The following EFCAB6 variants were observed in gnomAD, a reference collection of about 807,000 sequenced individuals.
EFCAB6 encodes the protein EF-hand calcium-binding domain-containing protein 6.
Under a neutral mutation model 169.8 loss-of-function variants are expected in EFCAB6, and 156 were observed. That is an observed-to-expected ratio of 0.92 (90% CI 0.81 to 1.05). The LOEUF is 1.05. Among genes scored for constraint, EFCAB6 ranks in the 50% least tolerant of loss-of-function variants. EFCAB6 has a pLI of 0.00. For missense variants in EFCAB6, 1,800 were observed against 1,829.1 expected, an observed-to-expected ratio of 0.98 and a Z score of 0.29; for synonymous variants, 698 against 676.4, an observed-to-expected ratio of 1.03 and a Z score of -0.50.
intron 27 of EFCAB6, among the ~76,000 whole-genome samples, chr22:43,545,835 A>G (rs2147112386): frequency 6.6e-6 from 1 of 152,294 alleles, no homozygotes; most frequent in South Asian, 2.1e-4. Context: ...ACTTGGAAGA[A>G]GCAAACCCTA....
At chr22:43,669,336 G>A (rs1045711248) in intron 15 of EFCAB6, among the ~76,000 whole-genome samples, 8 of 152,202 alleles carry the variant, frequency 5.3e-5, no homozygotes, top group Non-Finnish European at 8.8e-5. Context: ...AGAGATGAAT[G>A]TATACACAAA....
intron 25 of EFCAB6, among the ~76,000 whole-genome samples, chr22:43,576,711 T>C (rs2050279569): frequency 6.6e-6 from 1 of 152,160 alleles, no homozygotes; most frequent in Non-Finnish European, 1.5e-5. Context: ...AAATTTGCCT[T>C]ACTTGCTCCT....
At chr22:43,593,873 G>A (rs2051762792) in intron 23 of EFCAB6, among the ~76,000 whole-genome samples, 1 of 152,222 alleles carries the variant, frequency 6.6e-6, no homozygotes, top group Non-Finnish European at 1.5e-5. Flanking sequence ...CACGTATAAG[G>A]AGTGTGGATG....
intron 2 of EFCAB6, among the ~76,000 whole-genome samples, chr22:43,797,914 T>G (rs2062569618): frequency 6.6e-6 from 1 of 152,176 alleles, no homozygotes; most frequent in African/African-American, 2.4e-5. Flanking sequence ...TGCTGTAACC[T>G]CTACTTAGAC....
chr22:43,630,616 G>T (rs2054871189), intron 19 of EFCAB6, among the ~76,000 whole-genome samples: 1 of 152,240 alleles, frequency 6.6e-6, no homozygotes. Flanking sequence ...GGCCTCTACA[G>T]TTAGGGTGCC....
chr22:43,611,242 T>C lies in EFCAB6; in HGVS notation c.2563-2642A>G, dbSNP rs147088141. On this transcript the variant is annotated intron_variant, in intron 21 of 31. Transcript: ENST00000262726. ...CAGCAAAATTAGGAATGTAATCCCA[T>C]TCACAATTGCCACAAAAAGAACAAA... Among the ~76,000 whole-genome samples, 368 of 152,238 alleles carry C rather than the reference T, an allele frequency of 2.4e-3. 4 individuals carry two copies. Among genetic ancestry groups the C allele is most frequent in the African/African-American group, 8.5e-3 (354 of 41,544 alleles).
At chr22:43,676,619 G>A (rs1419861937) in intron 13 of EFCAB6, among the ~76,000 whole-genome samples, 1 of 152,052 alleles carries the variant, frequency 6.6e-6, no homozygotes, top group Non-Finnish European at 1.5e-5. Context: ...TGTTACTTGT[G>A]TAATCACAAA....
chr22:43,735,932 C>G lies in EFCAB6; in HGVS notation c.569G>C (p.Gly190Ala), dbSNP rs368714805. 1 of 1,614,016 alleles carries G rather than the reference C, an allele frequency of 6.2e-7. No homozygotes were observed. Among genetic ancestry groups the G allele is most frequent in the Non-Finnish European group, 8.5e-7 (1 of 1,180,034 alleles). ...TCTTAGCTCCTGCGGTCGAACCAGT[C>G]CAGTCTTGTTAACATCAATGAGCTC... ...AFELIDVNKT[G>A]LVRPQELRRV... is the part of the protein sequence containing the mutation. The change falls in exon 7 of 32, where the codon GGA becomes GCA. Residue 190 changes from glycine (G) to alanine (A), a missense_variant. By Grantham distance (60) the Gly-to-Ala change is moderately conservative. Coordinates refer to ENST00000262726, the MANE Select transcript of EFCAB6 (RefSeq NM_022785.4).
At chr22:43,687,996 G>A (rs1011019787) in intron 10 of EFCAB6, among the ~76,000 whole-genome samples, 1 of 152,200 alleles carries the variant, frequency 6.6e-6, no homozygotes, top group Admixed American at 6.5e-5. Context: ...AAACATGGTA[G>A]ATGTGGTGGA....
intron 17 of EFCAB6, among the ~76,000 whole-genome samples, chr22:43,666,628 C>T (rs1454849020): frequency 2.0e-5 from 3 of 151,688 alleles, no homozygotes; most frequent in Non-Finnish European, 4.4e-5. Context: ...GGCAGAAACT[C>T]ACCAGTTCCC....
At chr22:43,655,101 T>C (rs1167490863) in intron 17 of EFCAB6, among the ~76,000 whole-genome samples, 4 of 151,890 alleles carry the variant, frequency 2.6e-5, no homozygotes, top group South Asian at 2.1e-4. Context: ...CTACTAAAAA[T>C]ACAAAATTAG....
intron 16 of EFCAB6, among the ~76,000 whole-genome samples, chr22:43,668,034 C>G (rs527488818): frequency 1.3e-5 from 2 of 152,308 alleles, no homozygotes; most frequent in African/African-American, 4.8e-5. Flanking sequence ...GCCATTGCTT[C>G]TTTCACCAGT....
At chr22:43,651,523 G>C (rs551540804) in intron 17 of EFCAB6, among the ~76,000 whole-genome samples, 2 of 152,382 alleles carry the variant, frequency 1.3e-5, no homozygotes, top group South Asian at 2.1e-4. Flanking sequence ...AGGGAAATGT[G>C]GGGGCAGGGC....
At chr22:43,736,262 T>C (rs2060134807) in intron 6 of EFCAB6, among the ~76,000 whole-genome samples, 1 of 152,210 alleles carries the variant, frequency 6.6e-6, no homozygotes, top group Admixed American at 6.5e-5. Context: ...TCATACACAA[T>C]TCATTCCCTT....
intron 17 of EFCAB6, among the ~76,000 whole-genome samples, chr22:43,648,193 A>C (rs547970281): frequency 2.0e-5 from 3 of 152,254 alleles, no homozygotes; most frequent in African/African-American, 7.2e-5. Context: ...TACTACTATT[A>C]TCTCCATTTT....
chr22:43,592,971 C>G (rs2051679865), intron 23 of EFCAB6, among the ~76,000 whole-genome samples: 1 of 151,994 alleles, frequency 6.6e-6, no homozygotes, highest in Non-Finnish European at 1.5e-5. Context: ...ATGAATTCCC[C>G]TAGATTTAAG....
At chr22:43,563,027 G>A (rs567546807) in intron 26 of EFCAB6, among the ~76,000 whole-genome samples, 1 of 152,312 alleles carries the variant, frequency 6.6e-6, no homozygotes, top group East Asian at 1.9e-4. Context: ...GGGATTCCCA[G>A]CCCAGGTCCT....
intron 2 of EFCAB6, among the ~76,000 whole-genome samples, chr22:43,796,473 T>G (rs182417597): frequency 6.6e-6 from 1 of 152,330 alleles, no homozygotes; most frequent in Non-Finnish European, 1.5e-5. Context: ...ATCATGGATA[T>G]AAAAGTCTAA....
At chr22:43,774,748 G>A (rs1366628351) in intron 3 of EFCAB6, among the ~76,000 whole-genome samples, 1 of 151,660 alleles carries the variant, frequency 6.6e-6, no homozygotes, top group Non-Finnish European at 1.5e-5. Flanking sequence ...AACGCAGCTG[G>A]AAGTGGGGCT....
Sources: allele counts gnomAD v4.1 joint callset (sites outside exome capture counted in the v4.1 genomes callset), GRCh38; gene constraint gnomAD v4.1.1; transcripts MANE v1.5; gene names NCBI Gene and HGNC (gene_info 2026-07-23, HGNC 2026-07-21).